Variants in USP24 observed in about 807,000 individuals in gnomAD.
The protein encoded by USP24 is ubiquitin specific peptidase 24, also known as ubiquitin carboxyl-terminal hydrolase 24.
Under a neutral mutation model 361.6 loss-of-function variants are expected in USP24, and 97 were observed. The observed-to-expected ratio is 0.27, with a 90% confidence interval of 0.23 to 0.32. The LOEUF is 0.32. Among genes scored for constraint, USP24 ranks in the 10% least tolerant of loss-of-function variants. The pLI is 1.00. For missense variants in USP24, 2,353 were observed against 3,165.6 expected, an observed-to-expected ratio of 0.74 and a Z score of 6.16; for synonymous variants, 1,098 against 1,124.6, an observed-to-expected ratio of 0.98 and a Z score of 0.47.
At chr1:55,210,684 T>G (rs1371860050) in intron 1 of USP24, among the ~76,000 whole-genome samples, 1 of 152,122 alleles carries the variant, frequency 6.6e-6, no homozygotes, top group East Asian at 1.9e-4. Context: ...TTAGATATAT[T>G]AACAGCAGGA....
chr1:55,083,728 A>C, intron 57 of USP24, 44 bp downstream of exon 57: 1 of 1,451,556 alleles, frequency 6.9e-7, no homozygotes, highest in Non-Finnish European at 9.3e-7. Flanking sequence ...TTAGAGTATA[A>C]ATCTTCTGTA....
Position 55,124,544 on chromosome 1 carries a change from C to T in USP24, c.4045G>A (p.Val1349Ile). ...WAAAAGRLDL[V>I]GSSQPIKESN... ...TCTTTAATTGGCTGGCTACTCCCAA[C>T]AAGATCAAGCCGTCCTGCAGCCGCA... Residue 1349 changes from valine to isoleucine, a missense_variant, in exon 35 of 68, where the codon GTT becomes ATT. Physicochemically the swap from Val to Ile is conservative, Grantham distance 29. This residue lies in a region of USP24 where 949 missense variants were observed against 1,280.5 expected (regional missense o/e 0.74). Transcript: ENST00000294383. 3 of 1,613,896 alleles carry T rather than the reference C, an allele frequency of 1.9e-6. No individual in the cohort carries two copies. Among genetic ancestry groups the T allele is most frequent in the Non-Finnish European group, 2.5e-6 (3 of 1,179,852 alleles).
chr1:55,161,948 A>C (rs1181874787), intron 8 of USP24, among the ~76,000 whole-genome samples: 1 of 152,192 alleles, frequency 6.6e-6, no homozygotes, highest in African/African-American at 2.4e-5. Context: ...AAAATGAAAA[A>C]TAAATAAAAA....
chr1:55,076,893 A>G (rs1434589423), intron 62 of USP24, among the ~76,000 whole-genome samples: 1 of 152,208 alleles, frequency 6.6e-6, no homozygotes, highest in Non-Finnish European at 1.5e-5. Context: ...GTGACTGTGA[A>G]GTTTAAACCT....
At chr1:55,197,563 G>A (rs1449471137) in intron 1 of USP24, among the ~76,000 whole-genome samples, 8 of 152,176 alleles carry the variant, frequency 5.3e-5, no homozygotes, top group African/African-American at 1.9e-4. Flanking sequence ...AGAAAGCATG[G>A]CACATTTAAA....
intron 38 of USP24, among the ~76,000 whole-genome samples, chr1:55,117,650 C>T (rs1174877142): frequency 6.6e-6 from 1 of 151,614 alleles, no homozygotes; most frequent in Admixed American, 6.6e-5. Context: ...ATGGCGTGAA[C>T]CCGGGAAGCC....
chr1:55,192,451 A>T (rs1262957099), intron 1 of USP24, among the ~76,000 whole-genome samples: 1 of 152,240 alleles, frequency 6.6e-6, no homozygotes. Flanking sequence ...CATGTGCTCA[A>T]AAGAACCTCT....
chr1:55,076,485 G>A (rs17111575), intron 62 of USP24, among the ~76,000 whole-genome samples: 5,898 of 152,138 alleles, frequency 0.039, 364 homozygotes, highest in African/African-American at 0.13. Context: ...TCAAGAATTC[G>A]AAGGGAACCC....
In USP24 at chr1:55,113,633, C is replaced by T. The variant is rs181764904; in HGVS notation, c.4509-3387G>A. Among the ~76,000 whole-genome samples, 4 of 152,254 alleles carry T rather than the reference C, an allele frequency of 2.6e-5. No individual in the cohort carries two copies. In the East Asian group the frequency reaches 5.8e-4, roughly 22 times the overall value. On this transcript the variant is annotated intron_variant, in intron 38 of 67. Coordinates refer to ENST00000294383, the MANE Select transcript of USP24 (RefSeq NM_015306.3). ...ATGACATCGATGCGAAAATCCTCAA[C>T]GAAATATTGGCAAACTGATTCCAGC...
At chr1:55,079,794 G>GAGTACTCTCACAGAGTACTCACACAT in intron 59 of USP24, 135 bp from the exon 60 acceptor site, 2 of 1,152,170 alleles carry the variant, frequency 1.7e-6, no homozygotes, top group Non-Finnish European at 2.3e-6. Flanking sequence ...CTCACACACT[G>GAGTACTCTCACAGAGTACTCACACAT]AGTACTCACA....
chr1:55,109,213 G>C lies in USP24; in HGVS notation c.4570+972C>G, dbSNP rs559859231. Among the ~76,000 whole-genome samples, 5 of 152,340 alleles carry C rather than the reference G, an allele frequency of 3.3e-5. No individual in the cohort carries two copies. The South Asian group carries it at 6.2e-4, about 19-fold the overall frequency. The stretch of plus-strand genomic sequence containing the variant: ...GCTGGTCTCGAACTCCTGATCTCAA[G>C]TGATCCACCCACCTTCGCCTCCCAA... On this transcript the variant is annotated intron_variant, in intron 39 of 67. Coordinates refer to ENST00000294383, the MANE Select transcript of USP24 (RefSeq NM_015306.3).
rs962823638 is a variant in USP24, at chr1:55,124,418, A to T, written c.4120+51T>A. 5.1e-6 allele frequency: 8 copies of T among 1,557,132 alleles called. No individual in the cohort carries two copies. In the Admixed American group the frequency reaches 1.5e-4, roughly 30 times the overall value. Reference sequence around the variant, plus strand: ...TGGCAAACCTACACACAGAATTCTTATGGTTATTTCTTACCCAGTGTTCTC... The same window carrying T: ...TGGCAAACCTACACACAGAATTCTTTTGGTTATTTCTTACCCAGTGTTCTC... On this transcript the variant is annotated intron_variant, in intron 35 of 67. Transcript: ENST00000294383.
chr1:55,089,233 T>A (rs1321126690), intron 55 of USP24, among the ~76,000 whole-genome samples: 1 of 152,162 alleles, frequency 6.6e-6, no homozygotes, highest in Non-Finnish European at 1.5e-5. Flanking sequence ...AAAATAATTT[T>A]TTAGTCAGAA....
chr1:55,174,021 A>T (rs764705151), intron 3 of USP24, among the ~76,000 whole-genome samples: 10 of 152,236 alleles, frequency 6.6e-5, no homozygotes, highest in Non-Finnish European at 1.2e-4. Context: ...CTTGTGAAGA[A>T]GATGCACACA....
chr1:55,088,382 T>C (rs964061357), intron 55 of USP24, among the ~76,000 whole-genome samples: 2 of 152,160 alleles, frequency 1.3e-5, no homozygotes, highest in Non-Finnish European at 2.9e-5. Context: ...CATATTTGTA[T>C]GCTGGCAGAA....
At chr1:55,079,259 A>G (rs929201332) in intron 60 of USP24, among the ~76,000 whole-genome samples, 1 of 152,172 alleles carries the variant, frequency 6.6e-6, no homozygotes, top group Non-Finnish European at 1.5e-5. Flanking sequence ...GAAACCCTCT[A>G]CAATTAACGA....
In USP24 at chr1:55,086,043, A is replaced by C. The variant is rs771785579; in HGVS notation, c.6669-5T>G. Reference sequence around the variant, plus strand: ...TTGCACTCCAGTAAGAAAATCCTGAAAGAAAGAGAAAGGTGGTGTGAAAAA... The same window carrying C: ...TTGCACTCCAGTAAGAAAATCCTGACAGAAAGAGAAAGGTGGTGTGAAAAA... On this transcript the variant is annotated splice_region_variant and splice_polypyrimidine_tract_variant and intron_variant, in intron 55 of 67. Transcript: ENST00000294383. 1 of 1,613,598 alleles carries C rather than the reference A, an allele frequency of 6.2e-7. No individual in the cohort carries two copies. The highest frequency in any genetic ancestry group is 8.5e-7 in the Non-Finnish European group (1 of 1,179,592).
chr1:55,090,048 C>A (rs564588890), intron 54 of USP24, among the ~76,000 whole-genome samples: 1 of 152,098 alleles, frequency 6.6e-6, no homozygotes, highest in Non-Finnish European at 1.5e-5. Flanking sequence ...TCAAACAACT[C>A]GAATTAGACA....
chr1:55,149,203 G>A (rs1449208251), intron 16 of USP24, among the ~76,000 whole-genome samples: 3 of 152,050 alleles, frequency 2.0e-5, no homozygotes, highest in South Asian at 2.1e-4. Flanking sequence ...AATCCAGATC[G>A]TCATAGTACA....
Sources: gnomAD v4.1 joint callset for allele counts (sites outside exome capture counted in the v4.1 genomes callset) on GRCh38, gnomAD v4.1.1 for gene constraint, gnomAD v4.1.1 regional missense constraint, MANE v1.5 for transcripts, NCBI Gene and HGNC (gene_info 2026-07-23, HGNC 2026-07-21) for gene names.